Variants in NCBP1 observed in about 807,000 individuals in gnomAD.
The protein encoded by NCBP1 is nuclear cap binding protein subunit 1.
In NCBP1, 16 loss-of-function variants were observed where a neutral mutation model predicts 111.7. The ratio of observed to expected loss-of-function variants is 0.14; its 90% confidence interval spans 0.10 to 0.22. The LOEUF (loss-of-function observed/expected upper bound fraction) is 0.22, where lower values mean the gene tolerates loss of function less well. Among genes scored for constraint, NCBP1 ranks in the 10% least tolerant of loss-of-function variants. The pLI is 1.00. For missense variants in NCBP1, 607 were observed against 957.5 expected, an observed-to-expected ratio of 0.63 and a Z score of 4.83; for synonymous variants, 304 against 314.3, an observed-to-expected ratio of 0.97 and a Z score of 0.35.
intron 4 of NCBP1, among the ~76,000 whole-genome samples, chr9:97,644,330 A>G (rs1308700104): frequency 6.6e-6 from 1 of 152,174 alleles, no homozygotes; most frequent in Non-Finnish European, 1.5e-5. Context: ...AATAACTTGC[A>G]GATCCCTAAA....
In NCBP1 at chr9:97,671,440, T is replaced by C. The variant is rs1828190887; in HGVS notation, c.*241T>C. ...TTATATATGTGACAGATACAAATTC[T>C]CTGTGATCAGTTTGTTATTTTTTTT... is the stretch of plus-strand genomic sequence containing the variant. On this transcript the variant is annotated 3_prime_UTR_variant, in exon 23 of 23. Transcript: ENST00000375147. 1 of 400,638 alleles carries C rather than the reference T, an allele frequency of 2.5e-6. No individual in the cohort carries two copies. Among genetic ancestry groups the C allele is most frequent in the African/African-American group, 2.1e-5 (1 of 48,248 alleles). 24.8% of individuals were successfully genotyped at this position (400,638 alleles called of 1,614,324 possible).
chr9:97,650,629 A>G lies in NCBP1; in HGVS notation c.995+29A>G, dbSNP rs764224428. On this transcript the variant is annotated intron_variant, in intron 9 of 22. Transcript: ENST00000375147. ...AGATTCTTTTCATGGTACTTTTAGA[A>G]GGGAGAGAAGCAGCAATTTTGATAA... 10 of 1,583,454 alleles carry G rather than the reference A, an allele frequency of 6.3e-6. No individual in the cohort carries two copies. In the Admixed American group the frequency reaches 1.7e-4, roughly 27 times the overall value.
intron 15 of NCBP1, among the ~76,000 whole-genome samples, chr9:97,659,280 G>A (rs936065423): frequency 5.9e-5 from 9 of 152,148 alleles, no homozygotes; most frequent in African/African-American, 2.2e-4. Context: ...TTGATCACTG[G>A]TAGAGTTAGG....
At chr9:97,655,394 A>AG (rs1008821045) in intron 12 of NCBP1, among the ~76,000 whole-genome samples, 4 of 149,226 alleles carry the variant, frequency 2.7e-5, no homozygotes, top group Non-Finnish European at 4.5e-5. Context: ...ATTTCATAAA[A>AG]TTTTTTTTTT....
intron 1 of NCBP1, among the ~76,000 whole-genome samples, chr9:97,640,397 C>T (rs946516715): frequency 1.3e-5 from 2 of 152,060 alleles, no homozygotes; most frequent in Non-Finnish European, 2.9e-5. Flanking sequence ...TAACAGGTTT[C>T]GGAACAAGCA....
intron 1 of NCBP1, among the ~76,000 whole-genome samples, chr9:97,639,356 A>G (rs959573648): frequency 6.6e-6 from 1 of 152,180 alleles, no homozygotes; most frequent in Non-Finnish European, 1.5e-5. Context: ...GTGGTATCTG[A>G]AGATCATTTC....
intron 1 of NCBP1, among the ~76,000 whole-genome samples, chr9:97,636,999 T>C (rs1827060278): frequency 6.6e-6 from 1 of 152,096 alleles, no homozygotes; most frequent in Admixed American, 6.6e-5. Flanking sequence ...AAGGTAACCA[T>C]GGGCACAAAA....
intron 1 of NCBP1, 145 bp downstream of exon 1, chr9:97,634,060 C>T (rs967302958): frequency 1.1e-5 from 12 of 1,072,974 alleles, no homozygotes; most frequent in Non-Finnish European, 1.4e-5. Context: ...AATATGGTGG[C>T]GGTGTGGTCG....
At chr9:97,639,052 T>G (rs1384052383) in intron 1 of NCBP1, among the ~76,000 whole-genome samples, 1 of 152,212 alleles carries the variant, frequency 6.6e-6, no homozygotes, top group African/African-American at 2.4e-5. Flanking sequence ...TTAGGTTTGA[T>G]CTATACTTAA....
In NCBP1 at chr9:97,645,260, C is replaced by T. The variant is rs769091939; in HGVS notation, c.489+36C>T. The stretch of plus-strand genomic sequence containing the variant: ...CCCTCATGCTGAATCTTGAGGGGTT[C>T]TTGAGGGGTTACTGAATCCTGGTAC... On this transcript the variant is annotated intron_variant, in intron 5 of 22. Coordinates refer to ENST00000375147, the MANE Select transcript of NCBP1 (RefSeq NM_002486.5). 3 of 1,481,058 alleles carry T rather than the reference C, an allele frequency of 2.0e-6. No homozygotes were observed. In the South Asian group the frequency reaches 3.4e-5, roughly 17 times the overall value. The allele number at this position is 1,481,058 out of a possible 1,614,324, so 91.7% of individuals were successfully genotyped here.
chr9:97,673,388 A>T lies in NCBP1; in HGVS notation c.*2189A>T, dbSNP rs766400699. ...TAACTTTGACTCAAAACTGCTTTGT[A>T]ATCTTTTCACAATGTACTGAAAAGT... On this transcript the variant is annotated 3_prime_UTR_variant, in exon 23 of 23. Transcript: ENST00000375147. 5.9e-5 allele frequency: 9 copies of T among 152,194 alleles called. No individual in the cohort carries two copies. The highest frequency in any genetic ancestry group is 8.8e-5 in the Non-Finnish European group (6 of 68,034). The allele number at this position is 152,194 out of a possible 1,614,324, so 9.4% of individuals were successfully genotyped here.
chr9:97,670,619 T>C (rs185515716), intron 22 of NCBP1, among the ~76,000 whole-genome samples: 12 of 152,368 alleles, frequency 7.9e-5, no homozygotes, highest in Non-Finnish European at 1.5e-4. Flanking sequence ...TAACAGTCTC[T>C]AGTCCTATAA....
intron 5 of NCBP1, 102 bp from the exon 6 acceptor site, chr9:97,645,509 T>G (rs924105958): frequency 8.2e-7 from 1 of 1,216,180 alleles, no homozygotes; most frequent in African/African-American, 1.5e-5. Context: ...CTTATTTAAG[T>G]CCTATTAAAT....
Position 97,673,490 on chromosome 9 carries a change from GT to G in NCBP1, c.*2292del, listed in dbSNP as rs1564034090. On this transcript the variant is annotated 3_prime_UTR_variant, in exon 23 of 23. Transcript: ENST00000375147. ...TCTTTTCTCTTGGTCCTCTCTTCAT[GT>G]ATAATGGTTGCTTTTAACAGCTGTT... 1 of 152,174 alleles carries G rather than the reference GT, an allele frequency of 6.6e-6. No individual in the cohort carries two copies. Among genetic ancestry groups the G allele is most frequent in the Non-Finnish European group, 1.5e-5 (1 of 68,028 alleles). The allele number at this position is 152,174 out of a possible 1,614,324, so 9.4% of individuals were successfully genotyped here.
chr9:97,654,830 C>T, intron 11 of NCBP1, 50 bp from the exon 12 acceptor site: 1 of 1,500,540 alleles, frequency 6.7e-7, no homozygotes, highest in Non-Finnish European at 9.3e-7. Flanking sequence ...TCTATTACAA[C>T]TTATTTGGGA....
chr9:97,660,985 T>C lies in NCBP1; in HGVS notation c.1517T>C (p.Val506Ala). The stretch of plus-strand genomic sequence containing the variant: ...CATTCTGTTGCCCTCTGTTTAGCTG[T>C]TGCCTTTAAAAGTAAGGCAACCAAT... ...PGHSVALCLA[V>A]AFKSKATNDE... The change falls in exon 16 of 23, where the codon GTT becomes GCT. Residue 506 changes from valine (V) to alanine (A), a missense_variant. Physicochemically the swap from Val to Ala is moderately conservative, Grantham distance 64. This residue lies in a region of NCBP1 where 282 missense variants were observed against 376.5 expected (regional missense o/e 0.75). Transcript: ENST00000375147. 4 of 1,612,746 alleles carry C rather than the reference T, an allele frequency of 2.5e-6. No individual in the cohort carries two copies. Among genetic ancestry groups the C allele is most frequent in the Non-Finnish European group, 3.4e-6 (4 of 1,179,704 alleles).
Position 97,641,639 on chromosome 9 carries a change from G to A in NCBP1, c.201G>A (p.Lys67=), listed in dbSNP as rs1211080615. The A allele has an allele frequency of 8.7e-6, 14 of 1,608,066 alleles. No homozygotes were observed. Among genetic ancestry groups the A allele is most frequent in the Non-Finnish European group, 1.2e-5 (14 of 1,175,396 alleles). ...LEADLPNYKS[K]ILRLLCTVAR... ...CTGATCTTCCTAACTACAAGAGCAAGATCTTAAGGCTTCTTTGTACAGTGT... is the reference window on the plus strand; with the variant it reads ...CTGATCTTCCTAACTACAAGAGCAAAATCTTAAGGCTTCTTTGTACAGTGT... Residue 67 remains lysine (K), a synonymous_variant, in exon 3 of 23, where the codon AAG becomes AAA. Coordinates refer to ENST00000375147, the MANE Select transcript of NCBP1 (RefSeq NM_002486.5).
chr9:97,654,641 A>C (rs947296759), intron 11 of NCBP1, among the ~76,000 whole-genome samples: 1 of 152,000 alleles, frequency 6.6e-6, no homozygotes, highest in Non-Finnish European at 1.5e-5. Flanking sequence ...GGGCATGGGG[A>C]AATTTGGGAG....
chr9:97,649,108 A>C (rs1054970306), intron 8 of NCBP1, among the ~76,000 whole-genome samples: 4 of 152,188 alleles, frequency 2.6e-5, no homozygotes, highest in African/African-American at 7.2e-5. Flanking sequence ...TTGTATGATT[A>C]TTTGAAAACA....
Sources: gnomAD v4.1 joint callset for allele counts (sites outside exome capture counted in the v4.1 genomes callset) on GRCh38, gnomAD v4.1.1 for gene constraint, gnomAD v4.1.1 regional missense constraint, MANE v1.5 for transcripts, NCBI Gene and HGNC (gene_info 2026-07-23, HGNC 2026-07-21) for gene names.